The following LRRC4C variants were observed in gnomAD, a reference collection of about 807,000 sequenced individuals.
The protein encoded by LRRC4C is leucine rich repeat containing 4C, also known as leucine-rich repeat-containing protein 4C.
In LRRC4C, 5 loss-of-function variants were observed where a neutral mutation model predicts 33.6. The observed-to-expected ratio is 0.15, with a 90% CI of 0.08 to 0.31. The LOEUF is 0.31. Ranked by LOEUF, LRRC4C falls within the 10% of genes least tolerant of loss-of-function variation. The pLI, the probability that LRRC4C is intolerant of heterozygous loss-of-function variation, is 1.00. For synonymous variants in LRRC4C, 329 were observed against 302.0 expected (o/e 1.09, Z -0.93); for missense variants, 560 against 796.7 (o/e 0.70, Z 3.58).
At chr11:40,726,099 T>G (rs1034485976) in intron 2 of LRRC4C, among the ~76,000 whole-genome samples, 2 of 151,868 alleles carry the variant, frequency 1.3e-5, no homozygotes, top group African/African-American at 4.8e-5. Flanking sequence ...CAGGAAGAGA[T>G]TGAAAGCCTG....
At chr11:41,454,816 C>T (rs1327831396) in intron 1 of LRRC4C, among the ~76,000 whole-genome samples, 1 of 151,978 alleles carries the variant, frequency 6.6e-6, no homozygotes, top group African/African-American at 2.4e-5. Context: ...ATTTTTACCC[C>T]CTGTATAAAA....
chr11:41,322,555 C>A (rs1047466358), intron 1 of LRRC4C, among the ~76,000 whole-genome samples: 4 of 151,946 alleles, frequency 2.6e-5, no homozygotes, highest in African/African-American at 9.7e-5. Flanking sequence ...AAATATAATA[C>A]CTATTTGTCT....
chr11:41,258,215 C>T (rs1218138564), intron 1 of LRRC4C, among the ~76,000 whole-genome samples: 4 of 151,904 alleles, frequency 2.6e-5, no homozygotes, highest in African/African-American at 9.7e-5. Flanking sequence ...GATAATTAAA[C>T]TCCTGAAGAA....
At chr11:40,719,767 C>G (rs1233407535) in intron 2 of LRRC4C, among the ~76,000 whole-genome samples, 1 of 152,044 alleles carries the variant, frequency 6.6e-6, no homozygotes, top group Non-Finnish European at 1.5e-5. Flanking sequence ...CCCTTTAAAC[C>G]ACAATTATTG....
intron 3 of LRRC4C, among the ~76,000 whole-genome samples, chr11:40,459,677 C>A (rs1952298875): frequency 6.6e-6 from 1 of 152,058 alleles, no homozygotes; most frequent in Admixed American, 6.6e-5. Flanking sequence ...AAAGCAGAGC[C>A]CTCACGAAAG....
chr11:40,339,003 A>G (rs546052308), intron 3 of LRRC4C, among the ~76,000 whole-genome samples: 1 of 152,326 alleles, frequency 6.6e-6, no homozygotes, highest in South Asian at 2.1e-4. Flanking sequence ...TTTCAAGATG[A>G]GTAACCAGTT....
chr11:41,148,064 G>A (rs1048280460), intron 1 of LRRC4C, among the ~76,000 whole-genome samples: 2 of 152,060 alleles, frequency 1.3e-5, no homozygotes, highest in African/African-American at 4.8e-5. Context: ...TGTTGCCCAG[G>A]CTGGAATGCA....
intron 3 of LRRC4C, among the ~76,000 whole-genome samples, chr11:40,328,927 C>T (rs1946222116): frequency 6.6e-6 from 1 of 152,148 alleles, no homozygotes; most frequent in African/African-American, 2.4e-5. Flanking sequence ...TATTAAATAG[C>T]TTCTTTTCAA....
intron 3 of LRRC4C, among the ~76,000 whole-genome samples, chr11:40,449,822 G>T (rs1951806135): frequency 6.6e-6 from 1 of 152,142 alleles, no homozygotes; most frequent in Non-Finnish European, 1.5e-5. Context: ...CTTGAGAAAA[G>T]AAAGCAAAAC....
intron 1 of LRRC4C, among the ~76,000 whole-genome samples, chr11:41,440,652 A>G (rs1487191309): frequency 6.6e-6 from 1 of 152,076 alleles, no homozygotes; most frequent in Non-Finnish European, 1.5e-5. Context: ...CTCATCTCAA[A>G]TTGTAATCCC....
rs1054425113 is a variant in LRRC4C at position 40,817,012 on chromosome 11, G to A, written c.-407+116623C>T. The stretch of plus-strand genomic sequence containing the variant: ...TAAGTATGTCTCTTTTTCCATCGGA[G>A]CCTTGTCTACAATAGTTAGCTTAAT... On this transcript the variant is annotated intron_variant, in intron 2 of 6. Transcript: ENST00000528697. Among the ~76,000 whole-genome samples the A allele has an allele frequency of 3.9e-5, 6 of 152,102 alleles. No homozygotes were observed. In the East Asian group the frequency reaches 1.2e-3, roughly 29 times the overall value.
At chr11:41,088,834 C>T (rs1419757777) in intron 1 of LRRC4C, among the ~76,000 whole-genome samples, 1 of 151,968 alleles carries the variant, frequency 6.6e-6, no homozygotes. Context: ...ACCTCCAATA[C>T]TAATGTACAT....
chr11:40,622,663 T>G (rs1962566215), intron 3 of LRRC4C, among the ~76,000 whole-genome samples: 1 of 151,926 alleles, frequency 6.6e-6, no homozygotes, highest in South Asian at 2.1e-4. Context: ...TTATATTGTT[T>G]AAACTTTTTG....
chr11:40,776,928 C>T (rs1353795739), intron 2 of LRRC4C, among the ~76,000 whole-genome samples: 1 of 152,084 alleles, frequency 6.6e-6, no homozygotes, highest in East Asian at 1.9e-4. Flanking sequence ...TGCTATGTCT[C>T]CTTTTTCACT....
At chr11:41,262,265 C>A (rs1591094543) in intron 1 of LRRC4C, among the ~76,000 whole-genome samples, 1 of 151,912 alleles carries the variant, frequency 6.6e-6, no homozygotes, top group East Asian at 1.9e-4. Flanking sequence ...TTTCTGGCTG[C>A]TTACACAGTA....
chr11:41,346,188 A>C (rs1565599962), intron 1 of LRRC4C, among the ~76,000 whole-genome samples: 1 of 152,182 alleles, frequency 6.6e-6, no homozygotes, highest in Non-Finnish European at 1.5e-5. Flanking sequence ...CACATTAAAG[A>C]GAGGAATCGC....
chr11:41,191,494 C>T (rs753931963), intron 1 of LRRC4C, among the ~76,000 whole-genome samples: 6 of 152,088 alleles, frequency 3.9e-5, no homozygotes. Flanking sequence ...AAAGTGGACA[C>T]CAGTTTCTAT....
At chr11:40,932,869 A>T (rs1957689900) in intron 2 of LRRC4C, among the ~76,000 whole-genome samples, 1 of 152,222 alleles carries the variant, frequency 6.6e-6, no homozygotes, top group Non-Finnish European at 1.5e-5. Flanking sequence ...GCGGTCAGAC[A>T]GCATGGCTGT....
At chr11:40,626,392 A>T (rs1442669952) in intron 3 of LRRC4C, among the ~76,000 whole-genome samples, 2 of 151,998 alleles carry the variant, frequency 1.3e-5, no homozygotes, top group African/African-American at 4.8e-5. Flanking sequence ...TGTTTCATTG[A>T]TTTGTCATAT....
Sources: allele counts gnomAD v4.1 joint callset (sites outside exome capture counted in the v4.1 genomes callset), GRCh38; gene constraint gnomAD v4.1.1; transcripts MANE v1.5; gene names NCBI Gene and HGNC (gene_info 2026-07-23, HGNC 2026-07-21).